Variants in UPF3B observed in about 807,000 individuals in gnomAD.
UPF3B encodes the protein UPF3B regulator of nonsense mediated mRNA decay, also known as regulator of nonsense transcripts 3B.
UPF3B carries 7 observed loss-of-function variants against 40.3 expected under a neutral mutation model. That is an observed-to-expected ratio of 0.17 (90% CI 0.10 to 0.33). The LOEUF (loss-of-function observed/expected upper bound fraction) is 0.33, where lower values mean the gene tolerates loss of function less well. UPF3B is among the 10% of genes least tolerant of loss of function. The pLI is 1.00. For synonymous variants in UPF3B, 117 were observed against 117.3 expected (o/e 1.00, Z 0.01); for missense variants, 229 against 358.9 (o/e 0.64, Z 2.93).
chrX:119,839,560 G>A (rs1276466579), intron 8 of UPF3B, among the ~76,000 whole-genome samples: 3 of 112,270 alleles, frequency 2.7e-5, no homozygotes, highest in Non-Finnish European at 5.6e-5. Context: ...AGGCAAAATA[G>A]AAGAATTTCA....
chrX:119,837,901 A>G lies in UPF3B; in HGVS notation c.1158T>C (p.Phe386=), dbSNP rs2056117477. ...TTTTCATTTCTTCTTCTTTTCTCTT[A>G]AAAGTCTTCTCTTTCTCATAGCGCT... ...QKERYEKEKT[F]KRKEEEMKKE... The change falls in exon 10 of 11, where the codon TTT becomes TTC. Residue 386 remains phenylalanine, a synonymous_variant. Transcript: ENST00000276201. 8 of 1,210,336 alleles carry G rather than the reference A, an allele frequency of 6.6e-6. No homozygotes were observed. The highest frequency in any genetic ancestry group is 8.9e-6 in the Non-Finnish European group (8 of 895,304).
At chrX:119,808,641 C>T (rs778724601) in intron 5 of UPF3B, among the ~76,000 whole-genome samples, 3 of 103,025 alleles carry the variant, frequency 2.9e-5, no homozygotes, top group Middle Eastern at 5.0e-3. Flanking sequence ...GGGGTGGGGA[C>T]GTGTGGTTTA....
At chrX:119,818,871 G>A (rs1382669262) in intron 4 of UPF3B, among the ~76,000 whole-genome samples, 1 of 110,906 alleles carries the variant, frequency 9.0e-6, no homozygotes, top group Non-Finnish European at 1.9e-5. Context: ...GTGATACGTG[G>A]CTTTCCCAGT....
intron 4 of UPF3B, 97 bp from the exon 5 acceptor site, chrX:119,843,398 T>C: frequency 1.5e-6 from 1 of 646,493 alleles, no homozygotes; most frequent in Non-Finnish European, 2.4e-6. Context: ...AGATAATTTT[T>C]TACTTCGTGG....
intron 5 of UPF3B, among the ~76,000 whole-genome samples, chrX:119,812,946 C>T (rs1035844259): frequency 4.5e-5 from 5 of 111,052 alleles, no homozygotes; most frequent in East Asian, 2.8e-4. Context: ...CTCTGTGGCA[C>T]GGGACATTGT....
chrX:119,816,871 C>A lies in UPF3B; in HGVS notation c.495-1564G>T, dbSNP rs181967263. ...CTATGTATCTCCATTTCTTTCACAG[C>A]TATATTAATTGGTTTTCACACTAGT... On this transcript the variant is annotated intron_variant, in intron 4 of 6. Coordinates refer to the UPF3B transcript ENST00000636792. Among the ~76,000 whole-genome samples, 968 of 111,657 alleles carry A rather than the reference C, an allele frequency of 8.7e-3. 6 individuals carry two copies. The highest frequency in any genetic ancestry group is 0.06 in the Middle Eastern group (13 of 216).
intron 8 of UPF3B, among the ~76,000 whole-genome samples, chrX:119,839,197 T>C (rs2056134883): frequency 8.9e-6 from 1 of 112,133 alleles, no homozygotes; most frequent in Admixed American, 9.5e-5. Context: ...TTTTAAGTGA[T>C]AGGCAGATCG....
chrX:119,831,990 T>TCTCA (rs59839015), downstream of UPF3B, among the ~76,000 whole-genome samples: 5,891 of 111,453 alleles, frequency 0.053, 341 homozygotes, highest in African/African-American at 0.18. Flanking sequence ...TTTTACAGGA[T>TCTCA]CTGTGTCACC....
downstream of UPF3B, chrX:119,831,691 G>A (rs1278828167): frequency 3.5e-5 from 26 of 752,541 alleles, no homozygotes; most frequent in Non-Finnish European, 4.1e-5. Context: ...AGTTGGTGCT[G>A]TCATCAGGAA....
Position 119,834,742 on chromosome X carries a change from A to G in UPF3B, c.*136T>C, listed in dbSNP as rs1447370117. 27 of 1,177,561 alleles carry G rather than the reference A, an allele frequency of 2.3e-5. No homozygotes were observed. In the Admixed American group the frequency reaches 4.9e-4, roughly 21 times the overall value. ...AGATTCCTGCTTTGACACAAGACTT[A>G]CTCCTCTGCAGTGTACCCCACCAGC... On this transcript the variant is annotated 3_prime_UTR_variant, in exon 11 of 11. Transcript: ENST00000276201.
downstream of UPF3B, among the ~76,000 whole-genome samples, chrX:119,830,467 G>A (rs1276926534): frequency 9.0e-6 from 1 of 111,040 alleles, no homozygotes; most frequent in Non-Finnish European, 1.9e-5. Context: ...CTTCCACCAT[G>A]AGTAAAAGCT....
intron 3 of UPF3B, among the ~76,000 whole-genome samples, chrX:119,827,958 A>G (rs1360335619): frequency 9.8e-6 from 1 of 102,496 alleles, no homozygotes; most frequent in African/African-American, 3.6e-5. Flanking sequence ...TTGGTCTGGA[A>G]CTCCTGACCT....
chrX:119,838,573 A>G lies in UPF3B; in HGVS notation c.847-46T>C, dbSNP rs769912119. 10 of 1,159,921 alleles carry G rather than the reference A, an allele frequency of 8.6e-6. No individual in the cohort carries two copies. The East Asian group carries it at 1.8e-4, about 21-fold the overall frequency. On this transcript the variant is annotated intron_variant, in intron 8 of 10. Transcript: ENST00000276201. ...TTTTTATTTTGAAGGCTGGGACACT[A>G]TCTTCTATTAAAAACCCAGTATACC... is the stretch of plus-strand genomic sequence containing the variant.
intron 5 of UPF3B, among the ~76,000 whole-genome samples, chrX:119,842,411 C>T (rs781470258): frequency 9.1e-6 from 1 of 110,156 alleles, no homozygotes; most frequent in South Asian, 3.8e-4. Flanking sequence ...TGGTGAAACC[C>T]CGGCTCTACT....
chrX:119,843,332 T>A (rs1021173922), intron 4 of UPF3B, 31 bp from the exon 5 acceptor site: 1 of 936,597 alleles, frequency 1.1e-6, no homozygotes, highest in Non-Finnish European at 1.5e-6. Context: ...ACAGAAAATA[T>A]AATAGACTTT....
At chrX:119,809,461 C>T (rs761435731) in intron 5 of UPF3B, among the ~76,000 whole-genome samples, 9 of 112,283 alleles carry the variant, frequency 8.0e-5, no homozygotes, top group South Asian at 3.7e-4. Flanking sequence ...TGACTCACCC[C>T]TGTAATCCCA....
At chrX:119,831,854 A>T, downstream of UPF3B, 1 of 260,524 alleles carries the variant, frequency 3.8e-6, no homozygotes, top group Non-Finnish European at 5.3e-6. Flanking sequence ...ATATATCCTA[A>T]AGCCCAGTCA....
intron 3 of UPF3B, among the ~76,000 whole-genome samples, chrX:119,824,942 T>C (rs1227467734): frequency 7.3e-5 from 8 of 109,533 alleles, no homozygotes; most frequent in African/African-American, 1.7e-4. Flanking sequence ...AATTTTTCTA[T>C]TTTTGGTAGA....
intron 4 of UPF3B, among the ~76,000 whole-genome samples, chrX:119,844,200 G>C (rs151217354): frequency 9.1e-6 from 1 of 110,308 alleles, no homozygotes; most frequent in African/African-American, 3.3e-5. Context: ...ACAGGTGCCC[G>C]CCACCATGCC....
Sources: allele counts gnomAD v4.1 joint callset (sites outside exome capture counted in the v4.1 genomes callset), GRCh38; gene constraint gnomAD v4.1.1; transcripts MANE v1.5; gene names NCBI Gene and HGNC (gene_info 2026-07-23, HGNC 2026-07-21).